Variants in ARL14EP observed in about 807,000 individuals in gnomAD.
ARL14EP encodes ARF like GTPase 14 effector protein.
In ARL14EP, 12 loss-of-function variants were observed where a neutral mutation model predicts 23.1. The observed-to-expected ratio is 0.52, with a 90% CI of 0.33 to 0.84. The LOEUF (loss-of-function observed/expected upper bound fraction) is 0.84, where lower values mean the gene tolerates loss of function less well. Among genes scored for constraint, ARL14EP ranks in the 40% least tolerant of loss-of-function variants. The pLI is 0.02. For synonymous variants in ARL14EP, 97 were observed against 102.0 expected (o/e 0.95, Z 0.29); for missense variants, 253 against 307.3 (o/e 0.82, Z 1.32).
intron 1 of ARL14EP, among the ~76,000 whole-genome samples, chr11:30,324,662 T>A (rs930236644): frequency 2.6e-5 from 4 of 152,144 alleles, no homozygotes; most frequent in African/African-American, 9.7e-5. Flanking sequence ...TAATCTACCT[T>A]CCTTACCGTT....
chr11:30,325,589 G>A (rs2133643849), intron 1 of ARL14EP, among the ~76,000 whole-genome samples: 1 of 152,168 alleles, frequency 6.6e-6, no homozygotes, highest in South Asian at 2.1e-4. Flanking sequence ...TTTTGTTATT[G>A]GTTTGCTTGT....
At chr11:30,333,282 A>G (rs1355310068) in intron 3 of ARL14EP, among the ~76,000 whole-genome samples, 2 of 152,182 alleles carry the variant, frequency 1.3e-5, no homozygotes, top group African/African-American at 2.4e-5. Context: ...AAGCATTGTT[A>G]TTATATATAT....
intron 1 of ARL14EP, chr11:30,330,499 T>C (rs1180393786): frequency 1.2e-5 from 2 of 160,614 alleles, no homozygotes; most frequent in African/African-American, 2.4e-5. Flanking sequence ...ATGAAGGTCT[T>C]GTTGTATGTC....
At chr11:30,336,208 A>G (rs142898935) in intron 3 of ARL14EP, among the ~76,000 whole-genome samples, 7 of 152,242 alleles carry the variant, frequency 4.6e-5, no homozygotes, top group Non-Finnish European at 8.8e-5. Context: ...GGTATACTAT[A>G]ATAAAAATAA....
rs1164286721 is a variant in ARL14EP at position 30,331,220 on chromosome 11, A to G, written c.272A>G (p.His91Arg). Reference sequence around the variant, plus strand: ...AAGAAATTAGCCAAAAAAAATTTGCATGTAATTGACTTAGATGATGCCACT... The same window carrying G: ...AAGAAATTAGCCAAAAAAAATTTGCGTGTAATTGACTTAGATGATGCCACT... ...IHKKLAKKNL[H>R]VIDLDDATFL... is the part of the protein sequence containing the mutation. Residue 91 changes from histidine to arginine, a missense_variant, in exon 2 of 4, where the codon CAT (histidine) becomes CGT (arginine). Coordinates refer to ENST00000282032, the MANE Select transcript of ARL14EP (RefSeq NM_152316.3). The G allele has an allele frequency of 6.2e-7, 1 of 1,614,010 alleles. No individual in the cohort carries two copies.
intron 3 of ARL14EP, 93 bp downstream of exon 3, chr11:30,333,086 C>A (rs1427010027): frequency 2.6e-6 from 4 of 1,510,114 alleles, no homozygotes; most frequent in Non-Finnish European, 3.6e-6. Flanking sequence ...TTTCTGGGTT[C>A]ATATTTTAAA....
chr11:30,324,013 T>A (rs79218696), intron 1 of ARL14EP, among the ~76,000 whole-genome samples: 115 of 152,320 alleles, frequency 7.5e-4, no homozygotes, highest in African/African-American at 2.6e-3. Flanking sequence ...TCCTGAGGAT[T>A]GAGACTCTCC....
intron 1 of ARL14EP, among the ~76,000 whole-genome samples, chr11:30,324,424 A>T (rs1313921095): frequency 1.3e-5 from 2 of 152,208 alleles, no homozygotes; most frequent in Admixed American, 1.3e-4. Context: ...AAGGGAAATT[A>T]ACATATTGGA....
At chr11:30,330,825 T>C (rs1462103393) in intron 1 of ARL14EP, 61 bp from the exon 2 acceptor site, 13 of 903,778 alleles carry the variant, frequency 1.4e-5, no homozygotes, top group East Asian at 2.6e-5. Flanking sequence ...TATCAAATGC[T>C]TTTTCAGTTT....
chr11:30,336,408 G>A (rs113872333), intron 3 of ARL14EP, among the ~76,000 whole-genome samples, 159 bp from the exon 4 acceptor site: 1 of 151,942 alleles, frequency 6.6e-6, no homozygotes, highest in Non-Finnish European at 1.5e-5. Context: ...TTCATTTACT[G>A]CTGACGATAG....
intron 1 of ARL14EP, among the ~76,000 whole-genome samples, chr11:30,325,136 T>G (rs1459217911): frequency 6.6e-6 from 1 of 152,106 alleles, no homozygotes; most frequent in African/African-American, 2.4e-5. Flanking sequence ...GCTAGAAAGT[T>G]TTGGTGTGAG....
intron 2 of ARL14EP, among the ~76,000 whole-genome samples, chr11:30,332,564 C>T (rs1229346521): frequency 1.3e-5 from 2 of 152,058 alleles, no homozygotes; most frequent in African/African-American, 2.4e-5. Context: ...GTTTTTGTGC[C>T]TTCTCTCCTG....
chr11:30,330,514 G>T (rs952690397), intron 1 of ARL14EP: 2 of 164,376 alleles, frequency 1.2e-5, no homozygotes, highest in African/African-American at 4.8e-5. Context: ...TATGTCTTTT[G>T]TAAGAGTCAC....
In ARL14EP at chr11:30,330,926, C is replaced by A; in HGVS notation, c.-23C>A. 1 of 1,611,856 alleles carries A rather than the reference C, an allele frequency of 6.2e-7. No individual in the cohort carries two copies. Among genetic ancestry groups the A allele is most frequent in the Non-Finnish European group, 8.5e-7 (1 of 1,178,824 alleles). ...ACCTAAACCTCCAGACAAAATAAAA[C>A]GGAAAATTTGCTAGAATCAAGAATG... On this transcript the variant is annotated 5_prime_UTR_variant, in exon 2 of 4. Transcript: ENST00000282032.
chr11:30,336,221 CTG>C (rs1265114909), intron 3 of ARL14EP, among the ~76,000 whole-genome samples: 5 of 152,078 alleles, frequency 3.3e-5, no homozygotes, highest in African/African-American at 7.2e-5. Context: ...AAAAATAAAA[CTG>C]TGTTGATAAA....
chr11:30,333,639 G>A (rs1181853113), intron 3 of ARL14EP, among the ~76,000 whole-genome samples: 1 of 152,122 alleles, frequency 6.6e-6, no homozygotes, highest in East Asian at 1.9e-4. Context: ...CTCCTCAGGT[G>A]TCCCTATTCC....
chr11:30,336,201 A>G (rs1284157666), intron 3 of ARL14EP, among the ~76,000 whole-genome samples: 5 of 152,240 alleles, frequency 3.3e-5, no homozygotes, highest in African/African-American at 9.6e-5. Flanking sequence ...TAGAGGTGGT[A>G]TACTATAATA....
chr11:30,335,054 C>G (rs187644466), intron 3 of ARL14EP, among the ~76,000 whole-genome samples: 7 of 152,312 alleles, frequency 4.6e-5, no homozygotes, highest in Admixed American at 4.6e-4. Flanking sequence ...AAATTGAACA[C>G]CTTCTGGAAA....
chr11:30,331,530 C>T, intron 2 of ARL14EP, 156 bp downstream of exon 2: 1 of 1,470,396 alleles, frequency 6.8e-7, no homozygotes, highest in Non-Finnish European at 8.9e-7. Flanking sequence ...AAATATTATT[C>T]ACATATACTG....
Sources: gnomAD v4.1 joint callset for allele counts (sites outside exome capture counted in the v4.1 genomes callset) on GRCh38, gnomAD v4.1.1 for gene constraint, MANE v1.5 for transcripts, NCBI Gene and HGNC (gene_info 2026-07-23, HGNC 2026-07-21) for gene names.